Variants in ANKS1B observed in about 807,000 individuals in gnomAD.
ANKS1B encodes the protein ankyrin repeat and sterile alpha motif domain containing 1B.
A neutral mutation model predicts 148.3 loss-of-function variants in ANKS1B; 36 were observed. The ratio of observed to expected loss-of-function variants is 0.24; its 90% confidence interval spans 0.19 to 0.32. The LOEUF (loss-of-function observed/expected upper bound fraction) is 0.32. ANKS1B is among the 10% of genes least tolerant of loss of function. The pLI is 1.00. For missense variants in ANKS1B, 1,157 were observed against 1,542.6 expected (o/e 0.75, Z 4.19); for synonymous variants, 542 against 560.8 (o/e 0.97, Z 0.47).
intron 11 of ANKS1B, among the ~76,000 whole-genome samples, chr12:99,423,738 C>G (rs1452380307): frequency 2.0e-5 from 3 of 152,040 alleles, no homozygotes; most frequent in African/African-American, 7.2e-5. Flanking sequence ...AATGCAGGAA[C>G]AGAAAACCAA....
chr12:99,230,891 CTT>C (rs2086730043), intron 14 of ANKS1B, among the ~76,000 whole-genome samples: 1 of 152,102 alleles, frequency 6.6e-6, no homozygotes, highest in Admixed American at 6.6e-5. Flanking sequence ...TAAATCCTCT[CTT>C]GATTTAGATA....
intron 9 of ANKS1B, among the ~76,000 whole-genome samples, chr12:99,538,649 G>A (rs1218802010): frequency 1.3e-5 from 2 of 152,098 alleles, no homozygotes; most frequent in Non-Finnish European, 2.9e-5. Flanking sequence ...TTCTTGTGGA[G>A]CCTTTAGGTT....
chr12:98,967,178 G>C (rs767641390), intron 17 of ANKS1B, among the ~76,000 whole-genome samples: 11 of 152,220 alleles, frequency 7.2e-5, no homozygotes, highest in Non-Finnish European at 8.8e-5. Flanking sequence ...CTACCTAAAG[G>C]CTCCTTCTGA....
intron 1 of ANKS1B, among the ~76,000 whole-genome samples, chr12:99,967,679 C>T (rs1347876870): frequency 1.3e-5 from 2 of 151,930 alleles, no homozygotes; most frequent in African/African-American, 2.4e-5. Flanking sequence ...GAGGCTGAGG[C>T]GGGCGGATCA....
chr12:99,439,211 A>G (rs2095509986), intron 11 of ANKS1B, among the ~76,000 whole-genome samples: 2 of 151,750 alleles, frequency 1.3e-5, no homozygotes, highest in South Asian at 4.1e-4. Context: ...AAAAACCAGA[A>G]CGAGAAAACT....
intron 8 of ANKS1B, among the ~76,000 whole-genome samples, chr12:99,737,142 AAAAAT>A (rs1308435570): frequency 2.0e-5 from 3 of 152,160 alleles, no homozygotes; most frequent in Non-Finnish European, 2.9e-5. Context: ...TCAAAAAACT[AAAAAT>A]AGAACTACCA....
At chr12:99,466,861 C>T (rs2152885460) in intron 10 of ANKS1B, among the ~76,000 whole-genome samples, 1 of 151,994 alleles carries the variant, frequency 6.6e-6, no homozygotes, top group Middle Eastern at 3.4e-3. Context: ...ACCAGAGGTA[C>T]AAGGAGGAAC....
chr12:99,772,388 T>TC lies in ANKS1B; in HGVS notation c.1128+533dup, dbSNP rs1298952868. On this transcript the variant is annotated intron_variant, in intron 8 of 26. Transcript: ENST00000683438. ...AAAGAACACTATCATAAAGGCGTTG[T>TC]CACAGGAACTAACTCATGCTTAAGA... is the stretch of plus-strand genomic sequence containing the variant. 7.2e-5 allele frequency among the ~76,000 whole-genome samples: 11 copies of TC among 152,260 alleles called. No homozygotes were observed. In the East Asian group the frequency reaches 1.9e-3, roughly 27 times the overall value.
intron 9 of ANKS1B, among the ~76,000 whole-genome samples, chr12:99,620,149 C>T (rs970146611): frequency 6.6e-6 from 1 of 152,146 alleles, no homozygotes; most frequent in Non-Finnish European, 1.5e-5. Flanking sequence ...CCAAAACACC[C>T]TACCCAGTAT....
intron 1 of ANKS1B, among the ~76,000 whole-genome samples, chr12:99,885,550 G>A (rs1038278997): frequency 3.3e-5 from 5 of 152,018 alleles, no homozygotes; most frequent in African/African-American, 9.7e-5. Flanking sequence ...TGATCCGCCC[G>A]CCTGGGCCTC....
intron 9 of ANKS1B, among the ~76,000 whole-genome samples, chr12:99,558,939 T>C (rs375272847): frequency 4.6e-5 from 7 of 152,284 alleles, no homozygotes; most frequent in African/African-American, 1.7e-4. Flanking sequence ...GTGGGGATTG[T>C]GGGGTGTCCT....
At chr12:99,477,047 T>G (rs759668017) in intron 10 of ANKS1B, among the ~76,000 whole-genome samples, 1 of 152,094 alleles carries the variant, frequency 6.6e-6, no homozygotes, top group Non-Finnish European at 1.5e-5. Context: ...TCCATCAAAA[T>G]GAGTGAACCA....
intron 17 of ANKS1B, among the ~76,000 whole-genome samples, chr12:98,891,781 C>G (rs946720908): frequency 3.3e-5 from 5 of 152,078 alleles, no homozygotes; most frequent in African/African-American, 1.2e-4. Context: ...ATATATACTG[C>G]TATTAAATTA....
chr12:99,680,645 T>C (rs1214541248), intron 8 of ANKS1B, among the ~76,000 whole-genome samples: 2 of 151,854 alleles, frequency 1.3e-5, no homozygotes, highest in Non-Finnish European at 2.9e-5. Flanking sequence ...AGGGGGAGAA[T>C]AGGAAGTGTG....
intron 17 of ANKS1B, among the ~76,000 whole-genome samples, chr12:98,839,083 G>A (rs189386279): frequency 6.6e-6 from 1 of 152,286 alleles, no homozygotes; most frequent in Non-Finnish European, 1.5e-5. Context: ...AGCATGGGAT[G>A]GTGAACAGAA....
intron 9 of ANKS1B, among the ~76,000 whole-genome samples, chr12:99,599,470 T>A (rs1177357793): frequency 6.6e-6 from 1 of 152,018 alleles, no homozygotes; most frequent in Non-Finnish European, 1.5e-5. Flanking sequence ...CATGTTTTGA[T>A]TTGCAGCATT....
At chr12:99,505,341 G>C (rs768094784) in intron 9 of ANKS1B, among the ~76,000 whole-genome samples, 2 of 151,916 alleles carry the variant, frequency 1.3e-5, no homozygotes, top group Admixed American at 6.6e-5. Context: ...CTTACAGTTT[G>C]AGCCATTGCT....
At chr12:99,312,388 A>T (rs2083303083) in intron 12 of ANKS1B, among the ~76,000 whole-genome samples, 7 of 152,172 alleles carry the variant, frequency 4.6e-5, no homozygotes, top group Admixed American at 4.6e-4. Context: ...AAGAAGACCT[A>T]TACAGTATCT....
In ANKS1B at chr12:99,246,599, A is replaced by G. The variant is rs751329903; in HGVS notation, c.2022T>C (p.Phe674=). ...TTTCGAGTTGGTTGCTTTTTTTGTG[A>G]AAAATTGTTCTACTGACCACTTTGG... ...IKPKVVSRTI[F]HKKSNQLENH... is the part of the protein sequence containing the mutation. The change falls in exon 13 of 27, where the codon TTT becomes TTC. Residue 674 remains phenylalanine (F), a synonymous_variant. Transcript: ENST00000683438. The G allele has an allele frequency of 6.2e-7, 1 of 1,613,262 alleles. No homozygotes were observed. Among genetic ancestry groups the G allele is most frequent in the Non-Finnish European group, 8.5e-7 (1 of 1,179,636 alleles).
Sources: gnomAD v4.1 joint callset for allele counts (sites outside exome capture counted in the v4.1 genomes callset) on GRCh38, gnomAD v4.1.1 for gene constraint, MANE v1.5 for transcripts, NCBI Gene and HGNC (gene_info 2026-07-23, HGNC 2026-07-21) for gene names.